KAT6B: variants seen among roughly 807,000 people sequenced by gnomAD.
KAT6B encodes the protein lysine acetyltransferase 6B, also known as histone acetyltransferase KAT6B.
Under a neutral mutation model 187.5 loss-of-function variants are expected in KAT6B, and 10 were observed. The ratio of observed to expected loss-of-function variants is 0.05; its 90% CI spans 0.03 to 0.09. The LOEUF (loss-of-function observed/expected upper bound fraction) is 0.09. Among genes scored for constraint, KAT6B ranks in the 10% least tolerant of loss-of-function variants. The probability of loss-of-function intolerance (pLI) is 1.00; values close to 1 mark genes in which losing one functional copy is unlikely to be tolerated. For missense variants in KAT6B, 1,952 were observed against 2,558.9 expected, an observed-to-expected ratio of 0.76 and a Z score of 5.12; for synonymous variants, 861 against 926.8, an observed-to-expected ratio of 0.93 and a Z score of 1.29.
intron 3 of KAT6B, among the ~76,000 whole-genome samples, chr10:74,862,262 G>A (rs1479935254): frequency 1.3e-5 from 2 of 152,176 alleles, no homozygotes; most frequent in Admixed American, 1.3e-4. Flanking sequence ...ACCAAGTCCA[G>A]GGTTTTAAGG....
chr10:74,948,519 G>A (rs140852447), intron 3 of KAT6B, among the ~76,000 whole-genome samples: 29 of 152,286 alleles, frequency 1.9e-4, no homozygotes, highest in Non-Finnish European at 3.8e-4. Flanking sequence ...ACATTCAGTT[G>A]AGTTGCCTGT....
chr10:74,951,062 A>G (rs1840286138), intron 3 of KAT6B, among the ~76,000 whole-genome samples: 1 of 151,996 alleles, frequency 6.6e-6, no homozygotes, highest in Non-Finnish European at 1.5e-5. Context: ...TCTTGTTATA[A>G]TTTTGTTACC....
At chr10:74,973,834 G>T (rs1208044958) in intron 7 of KAT6B, among the ~76,000 whole-genome samples, 1 of 152,050 alleles carries the variant, frequency 6.6e-6, no homozygotes. Context: ...CATTCATCCT[G>T]TGTAAGCATT....
chr10:75,025,214 A>G lies in KAT6B; in HGVS notation c.3629A>G (p.Asp1210Gly). Reference protein sequence around the residue: ...KRQTEEEEGKDNHCFKNADPC... With the variant: ...KRQTEEEEGKGNHCFKNADPC... ...CAAACAGAGGAAGAGGAAGGAAAAG[A>G]CAATCATTGCTTCAAGAATGCTGAC... The change falls in exon 17 of 18, where the codon GAC becomes GGC. Residue 1210 changes from aspartate to glycine, a missense_variant. Asp to Gly is a moderately conservative substitution (Grantham distance 94). Transcript: ENST00000287239. 1 of 1,614,220 alleles carries G rather than the reference A, an allele frequency of 6.2e-7. No individual in the cohort carries two copies.
chr10:74,875,690 T>C (rs967011391), intron 3 of KAT6B, among the ~76,000 whole-genome samples: 13 of 152,178 alleles, frequency 8.5e-5, no homozygotes, highest in Non-Finnish European at 1.6e-4. Context: ...GATCTCGAAC[T>C]CCTGAGCTCA....
chr10:74,843,230 T>C lies in KAT6B; in HGVS notation c.373T>C (p.Ser125Pro). 1 of 1,614,230 alleles carries C rather than the reference T, an allele frequency of 6.2e-7. No homozygotes were observed. The highest frequency in any genetic ancestry group is 1.7e-5 in the Admixed American group (1 of 60,026). ...IEGLEEPNGS[S>P]LKNIEKYLRS... ...AGGACTTGAGGAGCCGAATGGCTCC[T>C]CCCTGAAGAACATAGAGAAGTATCT... Residue 125 changes from serine (S) to proline (P), a missense_variant, in exon 3 of 18, where the codon TCC becomes CCC. By Grantham distance (74) the Ser-to-Pro change is moderately conservative. This residue lies in a region of KAT6B where 218 missense variants were observed against 282.6 expected (regional missense o/e 0.77). Transcript: ENST00000287239.
In KAT6B at chr10:75,030,613, C is replaced by A. The variant is rs767826139; in HGVS notation, c.5789C>A (p.Ala1930Glu). The change falls in exon 18 of 18, where the codon GCG becomes GAG. Residue 1930 changes from alanine to glutamate, a missense_variant. Physicochemically the swap from Ala to Glu is moderately radical, Grantham distance 107. This residue lies in a region of KAT6B where 358 missense variants were observed against 436.3 expected (regional missense o/e 0.82). Coordinates refer to ENST00000287239, the MANE Select transcript of KAT6B (RefSeq NM_012330.4). This position sits in a 1 kb window ranked among gnomAD's most constrained non-coding sequence, Gnocchi z 4.8. Reference sequence around the variant, plus strand: ...CACATCTCCATGAGAACCAAGTCAGCGTCTCTGTCACCAGCCGCTGCCACC... The same window carrying A: ...CACATCTCCATGAGAACCAAGTCAGAGTCTCTGTCACCAGCCGCTGCCACC... ...KGHISMRTKS[A>E]SLSPAAATHQ... The A allele has an allele frequency of 1.2e-6, 2 of 1,612,934 alleles. No homozygotes were observed. Among genetic ancestry groups the A allele is most frequent in the South Asian group, 1.1e-5 (1 of 91,068 alleles).
At chr10:74,933,424 G>T (rs1483798788) in intron 3 of KAT6B, among the ~76,000 whole-genome samples, 1 of 152,196 alleles carries the variant, frequency 6.6e-6, no homozygotes, top group Non-Finnish European at 1.5e-5. Flanking sequence ...TTGAGTTTGA[G>T]TAGATGTTGA....
At chr10:74,894,696 A>C (rs756883751) in intron 3 of KAT6B, among the ~76,000 whole-genome samples, 1 of 152,096 alleles carries the variant, frequency 6.6e-6, no homozygotes, top group Non-Finnish European at 1.5e-5. Context: ...GGTTTATTTC[A>C]CTTAGCTTAA....
At chr10:74,881,685 G>T (rs779182605) in intron 3 of KAT6B, among the ~76,000 whole-genome samples, 1 of 151,994 alleles carries the variant, frequency 6.6e-6, no homozygotes, top group Non-Finnish European at 1.5e-5. Flanking sequence ...ATGGGGTTTC[G>T]CTGTGTTGCC....
chr10:74,897,499 GTTAA>G (rs1380360376), intron 3 of KAT6B, among the ~76,000 whole-genome samples: 1 of 152,218 alleles, frequency 6.6e-6, no homozygotes, highest in Non-Finnish European at 1.5e-5. Flanking sequence ...AGCCCCATTA[GTTAA>G]TTAAGTCATT....
At chr10:74,982,551 A>G (rs1012015101) in intron 11 of KAT6B, 4 of 154,130 alleles carry the variant, frequency 2.6e-5, no homozygotes, top group African/African-American at 9.7e-5. Context: ...CTTTGCCTCT[A>G]TATAGTTGCA....
intron 1 of KAT6B, among the ~76,000 whole-genome samples, chr10:74,829,776 T>G (rs1205789185): frequency 1.3e-5 from 2 of 151,088 alleles, no homozygotes; most frequent in Non-Finnish European, 3.0e-5. Flanking sequence ...CCCAGCACTT[T>G]GGGAGGCCGA....
At chr10:74,867,082 G>A (rs1843604025) in intron 3 of KAT6B, among the ~76,000 whole-genome samples, 1 of 152,020 alleles carries the variant, frequency 6.6e-6, no homozygotes, top group Non-Finnish European at 1.5e-5. Flanking sequence ...TTATTTGGTA[G>A]TCTCGATAAC....
chr10:74,839,507 C>T (rs1170215868), intron 2 of KAT6B, among the ~76,000 whole-genome samples: 2 of 152,104 alleles, frequency 1.3e-5, no homozygotes, highest in African/African-American at 2.4e-5. Context: ...GCTGGGATTA[C>T]GGGTGTGAGC....
intron 13 of KAT6B, among the ~76,000 whole-genome samples, chr10:75,013,336 T>G (rs2134080749): frequency 6.6e-6 from 1 of 152,166 alleles, no homozygotes; most frequent in Admixed American, 6.5e-5. Context: ...TTGCCATTTC[T>G]TAAGACCACT....
At chr10:74,916,047 C>T (rs1847654174) in intron 3 of KAT6B, among the ~76,000 whole-genome samples, 1 of 152,152 alleles carries the variant, frequency 6.6e-6, no homozygotes, top group Admixed American at 6.5e-5. Context: ...CCTGCAATCC[C>T]AGCTACTCAG....
At chr10:74,957,994 G>T (rs1432415786) in intron 3 of KAT6B, among the ~76,000 whole-genome samples, 2 of 152,178 alleles carry the variant, frequency 1.3e-5, no homozygotes, top group African/African-American at 2.4e-5. Context: ...AAATACATTT[G>T]CATAGCTACC....
At position 74,924,705 on chromosome 10, in the gene KAT6B, T is replaced by G. The variant is rs557731397; in HGVS notation, c.622-35265T>G. On this transcript the variant is annotated intron_variant, in intron 3 of 17. Transcript: ENST00000287239. ...CATGAAATTGACTAACTTTGTAAAA[T>G]TAGAAATTCTGTTACTTACTTCCTA... 2.0e-3 allele frequency among the ~76,000 whole-genome samples: 302 copies of G among 152,316 alleles called. 1 individual carries two copies. Among genetic ancestry groups the G allele is most frequent in the Non-Finnish European group, 3.6e-3 (243 of 68,006 alleles).
Sources: allele counts gnomAD v4.1 joint callset (sites outside exome capture counted in the v4.1 genomes callset), GRCh38; gene constraint gnomAD v4.1.1; regional missense constraint gnomAD v4.1.1; non-coding constraint Gnocchi (gnomAD v3.1); transcripts MANE v1.5; gene names NCBI Gene and HGNC (gene_info 2026-07-23, HGNC 2026-07-21).